Variants in TNFRSF19 observed in about 807,000 individuals in gnomAD.
The protein encoded by TNFRSF19 is TNF receptor superfamily member 19, also known as tumor necrosis factor receptor superfamily member 19.
TNFRSF19 carries 27 observed loss-of-function variants against 46.4 expected under a neutral mutation model. That is an observed-to-expected ratio of 0.58 (90% CI 0.43 to 0.80). TNFRSF19 has a LOEUF of 0.80. Ranked by LOEUF, TNFRSF19 falls within the 30% of genes least tolerant of loss-of-function variation. The pLI is 0.00. For missense variants in TNFRSF19, 511 were observed against 530.8 expected, an observed-to-expected ratio of 0.96 and a Z score of 0.37; for synonymous variants, 204 against 205.0, an observed-to-expected ratio of 1.00 and a Z score of 0.04.
chr13:23,650,395 G>C (rs901811725), intron 5 of TNFRSF19, among the ~76,000 whole-genome samples: 4 of 152,248 alleles, frequency 2.6e-5, no homozygotes, highest in Admixed American at 2.6e-4. Context: ...CTATACAATG[G>C]AATATTATTC....
chr13:23,584,717 T>C (rs563783649), intron 1 of TNFRSF19, among the ~76,000 whole-genome samples: 3 of 151,424 alleles, frequency 2.0e-5, no homozygotes, highest in Non-Finnish European at 2.9e-5. Context: ...CAGCAGAAAA[T>C]TTTTAAGTTT....
intron 3 of TNFRSF19, among the ~76,000 whole-genome samples, chr13:23,613,704 G>C (rs1411796093): frequency 6.6e-6 from 1 of 152,116 alleles, no homozygotes; most frequent in African/African-American, 2.4e-5. Context: ...CCCCCAGAAG[G>C]TCACGTGCAC....
chr13:23,664,318 T>G (rs569380395), intron 7 of TNFRSF19, among the ~76,000 whole-genome samples: 1 of 152,350 alleles, frequency 6.6e-6, no homozygotes, highest in Admixed American at 6.5e-5. Context: ...TGAGTGATTT[T>G]CTTAGTCTTG....
rs1271329032 is a variant in TNFRSF19 at position 23,668,711 on chromosome 13, G to A, written c.859G>A (p.Glu287Lys). The change falls in exon 9 of 10, where the codon GAG becomes AAG. Residue 287 changes from glutamate (E) to lysine (K), a missense_variant. Around this residue, in one of 3 missense-constraint regions of TNFRSF19, gnomAD observed 376 missense variants for 372.7 expected, o/e 1.01. Coordinates refer to ENST00000248484, the MANE Select transcript of TNFRSF19 (RefSeq NM_148957.4). The stretch of plus-strand genomic sequence containing the variant: ...GTGCAGAAACGCAGGCCCAGCCGGG[G>A]AGATGGTGCCGACTTTCTTCGGATC... The part of the protein sequence containing the change: ...LQARNAGPAG[E>K]MVPTFFGSLT... 1.2e-6 allele frequency: 2 copies of A among 1,613,794 alleles called. No individual in the cohort carries two copies. Among genetic ancestry groups the A allele is most frequent in the Non-Finnish European group, 1.7e-6 (2 of 1,179,776 alleles).
At chr13:23,591,472 CAAATAAAAA>C (rs1301317290) in intron 2 of TNFRSF19, among the ~76,000 whole-genome samples, 1 of 138,218 alleles carries the variant, frequency 7.2e-6, no homozygotes, top group African/African-American at 2.9e-5. Context: ...TAAATAGATA[CAAATAAAAA>C]AAATAAAAAA....
At chr13:23,657,947 G>A (rs2138384919) in intron 5 of TNFRSF19, among the ~76,000 whole-genome samples, 1 of 152,258 alleles carries the variant, frequency 6.6e-6, no homozygotes, top group African/African-American at 2.4e-5. Flanking sequence ...CAGTCGAGGG[G>A]AGGCTCCTGT....
Position 23,673,433 on chromosome 13 carries a change from C to G in TNFRSF19, c.*53C>G. 9 of 1,586,958 alleles carry G rather than the reference C, an allele frequency of 5.7e-6. 1 individual carries two copies. In the South Asian group the frequency reaches 1.0e-4, roughly 18 times the overall value. On this transcript the variant is annotated 3_prime_UTR_variant, in exon 10 of 10. Coordinates refer to ENST00000248484, the MANE Select transcript of TNFRSF19 (RefSeq NM_148957.4). ...CGTGTGCTGGAACCCAAAGAGTACTCCTTTGTTAGGCTTATGGACTGAGCA... is the reference window on the plus strand; with the variant it reads ...CGTGTGCTGGAACCCAAAGAGTACTGCTTTGTTAGGCTTATGGACTGAGCA...
At chr13:23,590,460 G>A (rs1186624041) in intron 2 of TNFRSF19, among the ~76,000 whole-genome samples, 2 of 151,986 alleles carry the variant, frequency 1.3e-5, no homozygotes, top group African/African-American at 4.8e-5. Flanking sequence ...TCAGCCTCCC[G>A]AGTCACTGGG....
intron 7 of TNFRSF19, among the ~76,000 whole-genome samples, chr13:23,665,677 TGTCC>T (rs1490719768): frequency 6.6e-6 from 1 of 152,186 alleles, no homozygotes; most frequent in African/African-American, 2.4e-5. Context: ...GCAAATATGA[TGTCC>T]CTCTACCCCT....
At chr13:23,582,508 T>C (rs1878527298) in intron 1 of TNFRSF19, among the ~76,000 whole-genome samples, 1 of 152,218 alleles carries the variant, frequency 6.6e-6, no homozygotes, top group Non-Finnish European at 1.5e-5. Flanking sequence ...CTCCGATAAA[T>C]ATTACAATTA....
intron 7 of TNFRSF19, 111 bp downstream of exon 7, chr13:23,660,601 T>C: frequency 7.6e-7 from 1 of 1,308,160 alleles, no homozygotes. Context: ...GTGTTGAGTC[T>C]TCTGGTTAAA....
At chr13:23,644,167 A>G (rs996781975) in intron 5 of TNFRSF19, among the ~76,000 whole-genome samples, 1 of 152,162 alleles carries the variant, frequency 6.6e-6, no homozygotes, top group Admixed American at 6.5e-5. Context: ...TTATAAACCA[A>G]TGTTGCAACA....
At chr13:23,660,127 G>A (rs372325837) in intron 6 of TNFRSF19, among the ~76,000 whole-genome samples, 227 of 152,334 alleles carry the variant, frequency 1.5e-3, no homozygotes, top group African/African-American at 5.0e-3. Context: ...TTACAAGGCT[G>A]TGATGTCCCT....
intron 3 of TNFRSF19, among the ~76,000 whole-genome samples, chr13:23,612,116 C>A (rs944454840): frequency 6.6e-6 from 1 of 152,038 alleles, no homozygotes; most frequent in African/African-American, 2.4e-5. Flanking sequence ...TTTCAGTATA[C>A]GAATGATAAA....
At chr13:23,627,012 G>A (rs997743747) in intron 5 of TNFRSF19, among the ~76,000 whole-genome samples, 15 of 152,194 alleles carry the variant, frequency 9.9e-5, no homozygotes, top group Admixed American at 4.6e-4. Flanking sequence ...TCAGAGTGGA[G>A]TGCAGACATT....
chr13:23,596,818 C>T (rs144922431), intron 3 of TNFRSF19, among the ~76,000 whole-genome samples: 1,567 of 152,294 alleles, frequency 0.01, 21 homozygotes, highest in African/African-American at 0.035. Context: ...AGCACCACAT[C>T]GCACTTACTC....
chr13:23,633,567 G>C (rs1882485703), intron 5 of TNFRSF19, among the ~76,000 whole-genome samples: 2 of 152,310 alleles, frequency 1.3e-5, no homozygotes, highest in South Asian at 4.1e-4. Context: ...CAATAGCTGG[G>C]GCTGGGCATG....
intron 1 of TNFRSF19, among the ~76,000 whole-genome samples, chr13:23,574,462 G>A (rs1566155346): frequency 6.7e-6 from 1 of 148,668 alleles, no homozygotes; most frequent in Admixed American, 6.7e-5. Context: ...ATGGGCTCCA[G>A]TTTTTTTTTT....
chr13:23,599,929 T>A (rs1252293388), intron 3 of TNFRSF19, among the ~76,000 whole-genome samples: 1 of 152,088 alleles, frequency 6.6e-6, no homozygotes, highest in Non-Finnish European at 1.5e-5. Flanking sequence ...GCTTAGAATT[T>A]TAATTTTCGT....
Sources: gnomAD v4.1 joint callset for allele counts (sites outside exome capture counted in the v4.1 genomes callset) on GRCh38, gnomAD v4.1.1 for gene constraint, gnomAD v4.1.1 regional missense constraint, MANE v1.5 for transcripts, NCBI Gene and HGNC (gene_info 2026-07-23, HGNC 2026-07-21) for gene names.